The following HBS1L variants were observed in gnomAD, a reference collection of about 807,000 sequenced individuals.
HBS1L encodes HBS1 like translational GTPase.
Under a neutral mutation model 88.9 loss-of-function variants are expected in HBS1L, and 55 were observed. The ratio of observed to expected loss-of-function variants is 0.62; its 90% CI spans 0.50 to 0.77. HBS1L has a LOEUF of 0.77. Ranked by LOEUF, HBS1L falls within the 30% of genes least tolerant of loss-of-function variation. The pLI is 0.00. For missense variants in HBS1L, 741 were observed against 829.3 expected (o/e 0.89, Z 1.31); for synonymous variants, 267 against 288.5 (o/e 0.93, Z 0.76).
intron 4 of HBS1L, among the ~76,000 whole-genome samples, chr6:135,014,851 C>CAAA (rs57153800): frequency 2.3e-3 from 198 of 84,364 alleles, no homozygotes; most frequent in Middle Eastern, 7.7e-3. Flanking sequence ...ACTGTCTCTA[C>CAAA]AAAAAAAAAA....
chr6:135,042,607 G>A (rs1450264776), intron 2 of HBS1L, among the ~76,000 whole-genome samples: 1 of 151,992 alleles, frequency 6.6e-6, no homozygotes, highest in Non-Finnish European at 1.5e-5. Context: ...TCAGGAGTTC[G>A]AGACCAGCCT....
Position 134,962,506 on chromosome 6 carries a change from T to C in HBS1L, c.*2773A>G, listed in dbSNP as rs1774209769. 1.3e-5 allele frequency: 2 copies of C among 152,312 alleles called. No homozygotes were observed. The highest frequency in any genetic ancestry group is 3.9e-4 in the East Asian group (2 of 5,182). The allele number at this position is 152,312 out of a possible 1,614,324, so 9.4% of individuals were successfully genotyped here. A position where few individuals can be genotyped will look rare whatever the true frequency, so the allele number is the denominator to read the frequency against. ...TTAAAACTATTGATTTGCATACTCA[T>C]GGGAGAAAAACAGCTATGCCTAGAA... On this transcript the variant is annotated 3_prime_UTR_variant, in exon 18 of 18. Coordinates refer to ENST00000367837, the MANE Select transcript of HBS1L (RefSeq NM_006620.4).
At chr6:134,970,655 G>A (rs1387207941) in intron 15 of HBS1L, among the ~76,000 whole-genome samples, 1 of 152,184 alleles carries the variant, frequency 6.6e-6, no homozygotes, top group Non-Finnish European at 1.5e-5. Flanking sequence ...ATGATGCTGT[G>A]TGTAGAGCTG....
intron 4 of HBS1L, chr6:135,035,924 T>C: frequency 3.2e-6 from 2 of 616,624 alleles, no homozygotes; most frequent in South Asian, 7.3e-5. Context: ...TAAAAATGTA[T>C]AAAAATAATT....
At chr6:135,005,945 A>C (rs1775598886) in intron 4 of HBS1L, among the ~76,000 whole-genome samples, 1 of 152,220 alleles carries the variant, frequency 6.6e-6, no homozygotes, top group South Asian at 2.1e-4. Flanking sequence ...CTGCTGCGCA[A>C]AAAGAGAATA....
At chr6:135,008,409 T>G (rs1178382455) in intron 4 of HBS1L, among the ~76,000 whole-genome samples, 1 of 152,248 alleles carries the variant, frequency 6.6e-6, no homozygotes, top group East Asian at 1.9e-4. Flanking sequence ...GCCTGTCCAG[T>G]TGACCTTTCT....
At chr6:135,022,999 T>C (rs982261590) in intron 4 of HBS1L, among the ~76,000 whole-genome samples, 20 of 150,120 alleles carry the variant, frequency 1.3e-4, no homozygotes, top group African/African-American at 4.1e-4. Flanking sequence ...ATGAGATACA[T>C]AGTGATGATA....
chr6:134,996,003 T>C (rs1235729279), intron 7 of HBS1L, among the ~76,000 whole-genome samples: 1 of 152,122 alleles, frequency 6.6e-6, no homozygotes, highest in East Asian at 1.9e-4. Context: ...TCTCCAATAA[T>C]CAGATTGAAG....
chr6:134,966,494 C>T (rs1774320187), intron 16 of HBS1L, 21 bp from the exon 17 acceptor site: 3 of 1,524,092 alleles, frequency 2.0e-6, no homozygotes, highest in South Asian at 1.3e-5. Context: ...AAAAAAAGAA[C>T]AAATGAATAT....
chr6:134,973,838 G>GA (rs199823698), intron 15 of HBS1L, among the ~76,000 whole-genome samples: 351 of 134,296 alleles, frequency 2.6e-3, no homozygotes, highest in African/African-American at 5.5e-3. Context: ...TCCATCTCAA[G>GA]AAAAAAAAAA....
chr6:135,022,169 CCCTT>C, intron 4 of HBS1L, among the ~76,000 whole-genome samples: 2 of 152,232 alleles, frequency 1.3e-5, no homozygotes, highest in South Asian at 4.1e-4. Context: ...TTTGTCCTCT[CCCTT>C]CATTCTATTC....
At position 135,036,704 on chromosome 6, in the gene HBS1L, T is replaced by C. The variant is rs575134283; in HGVS notation, c.430+2869A>G. ...ACTTGTCTACTATAAAGAAAAGTCT[T>C]ATAGAGGTCAAGGGTGCGTCGCTTG... On this transcript the variant is annotated intron_variant, in intron 4 of 17. Coordinates refer to ENST00000367837, the MANE Select transcript of HBS1L (RefSeq NM_006620.4). 3.7e-5 allele frequency: 58 copies of C among 1,551,446 alleles called. 1 individual carries two copies. The South Asian group carries it at 6.5e-4, about 18-fold the overall frequency.
At chr6:135,012,174 G>A (rs1273011076) in intron 4 of HBS1L, among the ~76,000 whole-genome samples, 2 of 152,050 alleles carry the variant, frequency 1.3e-5, no homozygotes, top group Non-Finnish European at 1.5e-5. Context: ...TGTACATAAG[G>A]GAATGGTTAT....
Position 134,964,899 on chromosome 6 carries a change from A to ATATATT in HBS1L, c.*379_*380insAATATA, listed in dbSNP as rs1336637719. 1 of 180,474 alleles carries ATATATT rather than the reference A, an allele frequency of 5.5e-6. No individual in the cohort carries two copies. Among genetic ancestry groups the ATATATT allele is most frequent in the Non-Finnish European group, 1.1e-5 (1 of 87,100 alleles). The allele number at this position is 180,474 out of a possible 1,614,324, so 11.2% of individuals were successfully genotyped here. The stretch of plus-strand genomic sequence containing the variant: ...CAATTAAGTTACTTTTCCTTAAAAC[A>ATATATT]TGTGCAGTATAATTGAATCAAAAGA... On this transcript the variant is annotated 3_prime_UTR_variant, in exon 18 of 18. Coordinates refer to ENST00000367837, the MANE Select transcript of HBS1L (RefSeq NM_006620.4).
chr6:135,053,950 T>A (rs1032788612), intron 1 of HBS1L, among the ~76,000 whole-genome samples: 3 of 152,152 alleles, frequency 2.0e-5, no homozygotes, highest in Non-Finnish European at 4.4e-5. Context: ...TCCTTTCCTA[T>A]ACACTCTTTC....
intron 13 of HBS1L, among the ~76,000 whole-genome samples, chr6:134,980,376 T>C (rs1172832110): frequency 1.3e-5 from 2 of 152,020 alleles, no homozygotes; most frequent in African/African-American, 4.8e-5. Flanking sequence ...GTATCAGAGA[T>C]TCTTCCTCCC....
In HBS1L at chr6:134,979,243, G is replaced by A. The variant is rs749427769; in HGVS notation, c.1623C>T (p.Val541=). The change falls in exon 14 of 18, where the codon GTC becomes GTT. Residue 541 remains valine (V), a synonymous_variant. Coordinates refer to ENST00000367837, the MANE Select transcript of HBS1L (RefSeq NM_006620.4). Reference sequence around the variant, plus strand: ...CATGATCGCCTGCTGCCGCCCAGTCGACAGGTTCATCATGCAGAGTGATTC... The same window carrying A: ...CATGATCGCCTGCTGCCGCCCAGTCAACAGGTTCATCATGCAGAGTGATTC... The part of the protein sequence containing the change: ...VKGITLHDEP[V]DWAAAGDHVS... 7.4e-6 allele frequency: 12 copies of A among 1,611,728 alleles called. No individual in the cohort carries two copies. The highest frequency in any genetic ancestry group is 2.2e-5 in the East Asian group (1 of 44,834).
At chr6:134,998,375 C>A (rs1775350964) in intron 5 of HBS1L, among the ~76,000 whole-genome samples, 1 of 152,130 alleles carries the variant, frequency 6.6e-6, no homozygotes, top group African/African-American at 2.4e-5. Flanking sequence ...GATCTTAGTT[C>A]TTCATGAGCT....
rs952455779 is a variant in HBS1L at position 135,016,050 on chromosome 6, C to A, written c.431-13208G>T. ...TACAAGTGCCTGCCACCATGCCCGG[C>A]TAATTTTTGTATTTTAGAAGAGATG... On this transcript the variant is annotated intron_variant, in intron 4 of 17. Coordinates refer to ENST00000367837, the MANE Select transcript of HBS1L (RefSeq NM_006620.4). Among the ~76,000 whole-genome samples, 15 of 151,910 alleles carry A rather than the reference C, an allele frequency of 9.9e-5. 2 individuals are homozygous for A. The highest frequency in any genetic ancestry group is 2.6e-4 in the Admixed American group (4 of 15,264).
Sources: allele counts gnomAD v4.1 joint callset (sites outside exome capture counted in the v4.1 genomes callset), GRCh38; gene constraint gnomAD v4.1.1; transcripts MANE v1.5; gene names NCBI Gene and HGNC (gene_info 2026-07-23, HGNC 2026-07-21).